Variants in EEF1AKMT1 observed in about 807,000 individuals in gnomAD.
EEF1AKMT1 encodes the protein N-6 adenine-specific DNA methyltransferase 2 (putative).
EEF1AKMT1 carries 18 observed loss-of-function variants against 21.0 expected under a neutral mutation model. The ratio of observed to expected loss-of-function variants is 0.86; its 90% CI spans 0.59 to 1.27. The LOEUF (loss-of-function observed/expected upper bound fraction) is 1.27, where lower values mean the gene tolerates loss of function less well. EEF1AKMT1 is among the 50% of genes most tolerant of loss of function. EEF1AKMT1 has a pLI of 0.00. For synonymous variants in EEF1AKMT1, 109 were observed against 94.8 expected (o/e 1.15, Z -0.87); for missense variants, 246 against 258.6 (o/e 0.95, Z 0.33).
intron 2 of EEF1AKMT1, among the ~76,000 whole-genome samples, chr13:20,746,341 C>T (rs1449961307): frequency 2.0e-5 from 3 of 152,032 alleles, no homozygotes; most frequent in East Asian, 1.9e-4. Context: ...TTAGTAGAGA[C>T]GGGGTTTCAC....
At chr13:20,770,380 G>A (rs896689172) in intron 1 of EEF1AKMT1, among the ~76,000 whole-genome samples, 4 of 152,120 alleles carry the variant, frequency 2.6e-5, no homozygotes, top group Non-Finnish European at 5.9e-5. Context: ...TACTTTTAAG[G>A]TTTTTATACT....
intron 1 of EEF1AKMT1, among the ~76,000 whole-genome samples, chr13:20,760,585 C>G (rs2058996436): frequency 6.6e-6 from 1 of 152,104 alleles, no homozygotes; most frequent in African/African-American, 2.4e-5. Flanking sequence ...ACTACCCTAT[C>G]AGATATTATG....
chr13:20,737,730 C>T lies in EEF1AKMT1; in HGVS notation c.220G>A (p.Gly74Ser). The T allele has an allele frequency of 6.2e-7, 1 of 1,612,072 alleles. No homozygotes were observed. Among genetic ancestry groups the T allele is most frequent in the Non-Finnish European group, 8.5e-7 (1 of 1,179,058 alleles). The part of the protein sequence containing the change: ...AQEAIAAVGE[G>S]GRIACVSAPS... Reference sequence around the variant, plus strand: ...AGAAAATTTGAATCTCACCTGCCACCTTCTCCTACAGCTGCAATTGCCTCC... The same window carrying T: ...AGAAAATTTGAATCTCACCTGCCACTTTCTCCTACAGCTGCAATTGCCTCC... Residue 74 changes from glycine (G) to serine (S), a missense_variant, in exon 3 of 5, where the codon GGT (glycine) becomes AGT (serine). Transcript: ENST00000382758.
chr13:20,732,209 C>T lies in EEF1AKMT1; in HGVS notation c.228-88G>A, dbSNP rs1305100362. The T allele has an allele frequency of 5.7e-6, 8 of 1,402,296 alleles. No individual in the cohort carries two copies. In the African/African-American group the frequency reaches 5.8e-5, roughly 10 times the overall value. 86.9% of individuals were successfully genotyped at this position (1,402,296 alleles called of 1,614,324 possible). On this transcript the variant is annotated intron_variant, in intron 3 of 4. Coordinates refer to ENST00000382758, the MANE Select transcript of EEF1AKMT1 (RefSeq NM_001318939.2). ...TTCTTCACTAAACAATACATGGGTC[C>T]GAGTGCTCAGAGTTTCTTACAGGAA...
At chr13:20,745,678 AT>A (rs950074942) in intron 2 of EEF1AKMT1, among the ~76,000 whole-genome samples, 6 of 151,992 alleles carry the variant, frequency 3.9e-5, no homozygotes, top group Non-Finnish European at 8.8e-5. Context: ...GTGAAACCCC[AT>A]CTCTTCTAAA....
chr13:20,739,953 T>A (rs1360835261), intron 2 of EEF1AKMT1, among the ~76,000 whole-genome samples: 3 of 152,228 alleles, frequency 2.0e-5, no homozygotes, highest in African/African-American at 7.2e-5. Context: ...CCTTGGGCAG[T>A]TGATGCGACT....
chr13:20,771,382 T>C (rs2059062151), intron 1 of EEF1AKMT1, among the ~76,000 whole-genome samples: 1 of 152,142 alleles, frequency 6.6e-6, no homozygotes, highest in Non-Finnish European at 1.5e-5. Context: ...CCAATCTATA[T>C]AAGAATTTGA....
chr13:20,760,294 C>T (rs1206631009), intron 1 of EEF1AKMT1, among the ~76,000 whole-genome samples: 1 of 152,050 alleles, frequency 6.6e-6, no homozygotes, highest in Admixed American at 6.6e-5. Flanking sequence ...CCTAAGCGTC[C>T]TATCAAAGAT....
intron 4 of EEF1AKMT1, among the ~76,000 whole-genome samples, chr13:20,731,243 C>T (rs1182451974): frequency 6.6e-6 from 1 of 152,172 alleles, no homozygotes; most frequent in Non-Finnish European, 1.5e-5. Flanking sequence ...AACTCCTTGC[C>T]TCAAGTAATC....
intron 1 of EEF1AKMT1, among the ~76,000 whole-genome samples, chr13:20,758,181 T>C (rs1269037697): frequency 6.6e-6 from 1 of 152,190 alleles, no homozygotes; most frequent in Non-Finnish European, 1.5e-5. Flanking sequence ...AGAGGCATTT[T>C]AGCATCTATT....
chr13:20,743,380 T>C (rs1016221035), intron 2 of EEF1AKMT1, among the ~76,000 whole-genome samples: 4 of 151,952 alleles, frequency 2.6e-5, no homozygotes, highest in African/African-American at 7.3e-5. Flanking sequence ...ACTTTTATTA[T>C]TTTTATGTTT....
At chr13:20,733,850 T>C (rs17252394) in intron 3 of EEF1AKMT1, among the ~76,000 whole-genome samples, 14,087 of 152,302 alleles carry the variant, frequency 0.092, 804 homozygotes, top group Non-Finnish European at 0.13. Flanking sequence ...AAAATTACGC[T>C]CAGCTTTAAA....
intron 2 of EEF1AKMT1, among the ~76,000 whole-genome samples, chr13:20,751,359 TA>T (rs1036971943): frequency 6.6e-6 from 1 of 152,194 alleles, no homozygotes; most frequent in African/African-American, 2.4e-5. Flanking sequence ...TGGTGAGAGA[TA>T]GGGGTCCTGT....
intron 2 of EEF1AKMT1, chr13:20,747,222 G>A (rs990874384): frequency 8.5e-5 from 19 of 222,744 alleles, no homozygotes; most frequent in Non-Finnish European, 1.5e-4. Context: ...GCAAGGGCAG[G>A]TATGGCAACA....
At position 20,729,069 on chromosome 13, in the gene EEF1AKMT1, A is replaced by G; in HGVS notation, c.*11T>C. ...ACAGGGTTCCTTCCTGTGTTATGTC[A>G]CCGTCTGTAATCAGATCCCACAGTC... is the stretch of plus-strand genomic sequence containing the variant. On this transcript the variant is annotated 3_prime_UTR_variant, in exon 5 of 5. Coordinates refer to ENST00000382758, the MANE Select transcript of EEF1AKMT1 (RefSeq NM_001318939.2). 6.2e-7 allele frequency: 1 copy of G among 1,614,082 alleles called. No individual in the cohort carries two copies. Among genetic ancestry groups the G allele is most frequent in the Non-Finnish European group, 8.5e-7 (1 of 1,179,994 alleles).
chr13:20,739,257 G>A (rs570624095), intron 2 of EEF1AKMT1, among the ~76,000 whole-genome samples: 9 of 152,320 alleles, frequency 5.9e-5, no homozygotes, highest in Admixed American at 2.0e-4. Context: ...GCTCATAAAG[G>A]CAACGCAGAC....
At chr13:20,738,508 C>T (rs746527417) in intron 2 of EEF1AKMT1, among the ~76,000 whole-genome samples, 2 of 152,182 alleles carry the variant, frequency 1.3e-5, no homozygotes, top group Non-Finnish European at 2.9e-5. Context: ...ATGGCAGGCT[C>T]GGGGCAGCCA....
rs1358807496 is a variant in EEF1AKMT1, at chr13:20,737,724, T to A, written c.226A>T (p.Arg76Ter). ...AAAAAGAGAAAATTTGAATCTCACCTGCCACCTTCTCCTACAGCTGCAATT... is the reference window on the plus strand; with the variant it reads ...AAAAAGAGAAAATTTGAATCTCACCAGCCACCTTCTCCTACAGCTGCAATT... The part of the protein sequence containing the change: ...EAIAAVGEGG[R>*]IACVSAPSVY... Residue 76 changes from arginine to a stop codon, truncating the protein, a stop_gained and splice_region_variant, in exon 3 of 5, where the codon AGA (arginine) becomes TGA (stop). Transcript: ENST00000382758. LOFTEE classifies it high-confidence loss of function. 6.2e-7 allele frequency: 1 copy of A among 1,611,490 alleles called. No homozygotes were observed. The highest frequency in any genetic ancestry group is 8.5e-7 in the Non-Finnish European group (1 of 1,178,670).
At chr13:20,757,295 A>G in intron 2 of EEF1AKMT1, 160 bp downstream of exon 2, 1 of 709,454 alleles carries the variant, frequency 1.4e-6, no homozygotes, top group Non-Finnish European at 2.3e-6. Context: ...TAAAATGTTC[A>G]CTGACTGCTT....
Sources: gnomAD v4.1 joint callset for allele counts (sites outside exome capture counted in the v4.1 genomes callset) on GRCh38, gnomAD v4.1.1 for gene constraint, MANE v1.5 for transcripts, NCBI Gene and HGNC (gene_info 2026-07-23, HGNC 2026-07-21) for gene names.